DNAH11: variants seen among roughly 807,000 people sequenced by gnomAD.
DNAH11 encodes dynein axonemal heavy chain 11, also known as axonemal beta dynein heavy chain 11.
Under a neutral mutation model 526.0 loss-of-function variants are expected in DNAH11, and 442 were observed. The observed-to-expected ratio is 0.84, with a 90% CI of 0.78 to 0.91. The LOEUF (loss-of-function observed/expected upper bound fraction) is 0.91, where lower values mean the gene tolerates loss of function less well. Among genes scored for constraint, DNAH11 ranks in the 40% least tolerant of loss-of-function variants. The pLI, the probability that DNAH11 is intolerant of heterozygous loss-of-function variation, is 0.00. For missense variants in DNAH11, 6,989 were observed against 5,448.7 expected, an observed-to-expected ratio of 1.28 and a Z score of -8.90; for synonymous variants, 2,461 against 1,935.9, an observed-to-expected ratio of 1.27 and a Z score of -7.12.
intron 73 of DNAH11, among the ~76,000 whole-genome samples, chr7:21,871,809 A>G (rs572034820): frequency 1.8e-5 from 2 of 111,832 alleles, no homozygotes; most frequent in South Asian, 2.9e-4. Context: ...TCTCATAAAG[A>G]CATCAGTCAT....
At chr7:21,561,684 T>C (rs1484481053) in intron 5 of DNAH11, among the ~76,000 whole-genome samples, 3 of 152,180 alleles carry the variant, frequency 2.0e-5, no homozygotes, top group African/African-American at 7.2e-5. Flanking sequence ...CATAAAATGA[T>C]ATCCAGTCGA....
Position 21,601,397 on chromosome 7 carries a change from CTGAA to C in DNAH11, c.3431_3434del (p.Asn1144SerfsTer6), listed in dbSNP as rs749689428. On this transcript the variant is annotated frameshift_variant and splice_region_variant, in exon 18 of 82. Transcript: ENST00000409508. LOFTEE classifies it high-confidence loss of function. ...TCTATGTACATATATATTTAATAGT[CTGAA>C]TGAGCTACAAGAATTTATAAAGGAG... The C allele has an allele frequency of 3.1e-6, 5 of 1,610,254 alleles. No homozygotes were observed. Among genetic ancestry groups the C allele is most frequent in the East Asian group, 2.2e-5 (1 of 44,816 alleles).
chr7:21,605,750 C>A (rs988874414), intron 18 of DNAH11, among the ~76,000 whole-genome samples: 1 of 152,162 alleles, frequency 6.6e-6, no homozygotes, highest in East Asian at 1.9e-4. Context: ...GGCTGGCTTC[C>A]ATTTCTAGTT....
At chr7:21,695,369 C>A (rs1783805218) in intron 35 of DNAH11, among the ~76,000 whole-genome samples, 1 of 152,204 alleles carries the variant, frequency 6.6e-6, no homozygotes. Context: ...GTATCCAAAA[C>A]AGCATGGTAC....
chr7:21,836,753 C>G (rs1386182433), intron 65 of DNAH11, among the ~76,000 whole-genome samples: 1 of 152,012 alleles, frequency 6.6e-6, no homozygotes, highest in Non-Finnish European at 1.5e-5. Context: ...GGGATTACAT[C>G]AGACTAAAAA....
Position 21,849,654 on chromosome 7 carries a change from T to A in DNAH11, c.10897-2813T>A, listed in dbSNP as rs78256902. ...ATTTTACTCAACTCTCCTTTTTGCA[T>A]AGTTTCTCAAGAGAAGTTCCATGTA... On this transcript the variant is annotated intron_variant, in intron 66 of 81. Coordinates refer to ENST00000409508, the MANE Select transcript of DNAH11 (RefSeq NM_001277115.2). Among the ~76,000 whole-genome samples, 1,824 of 152,330 alleles carry A rather than the reference T, an allele frequency of 0.012. 167 individuals carry two copies. The East Asian group carries it at 0.23, about 19-fold the overall frequency.
intron 65 of DNAH11, among the ~76,000 whole-genome samples, chr7:21,838,388 TAA>T (rs1284684123): frequency 6.6e-6 from 1 of 152,214 alleles, no homozygotes; most frequent in East Asian, 1.9e-4. Context: ...TATCAAGATA[TAA>T]GTCACATATT....
chr7:21,734,984 C>G (rs1429683661), intron 45 of DNAH11, among the ~76,000 whole-genome samples: 2 of 151,906 alleles, frequency 1.3e-5, no homozygotes, highest in African/African-American at 2.4e-5. Context: ...ATCTGGCTAA[C>G]AAGGTGAAAC....
chr7:21,716,945 C>T (rs973232715), intron 42 of DNAH11, among the ~76,000 whole-genome samples: 2 of 152,106 alleles, frequency 1.3e-5, no homozygotes, highest in African/African-American at 4.8e-5. Flanking sequence ...TCCTGATGCT[C>T]AAAATGCAAG....
chr7:21,881,159 C>T (rs1783911237), intron 75 of DNAH11, among the ~76,000 whole-genome samples: 1 of 152,096 alleles, frequency 6.6e-6, no homozygotes. Context: ...ATTATGTTAA[C>T]AAAAACAGTG....
At chr7:21,756,227 G>C (rs1583662507) in intron 54 of DNAH11, among the ~76,000 whole-genome samples, 1 of 151,812 alleles carries the variant, frequency 6.6e-6, no homozygotes, top group East Asian at 1.9e-4. Flanking sequence ...TTATAAGATG[G>C]CTTTCCTACT....
intron 20 of DNAH11, among the ~76,000 whole-genome samples, chr7:21,609,220 T>G (rs1466836567): frequency 6.6e-6 from 1 of 152,142 alleles, no homozygotes; most frequent in Non-Finnish European, 1.5e-5. Flanking sequence ...TCGTTTTTCT[T>G]TTCTTTTCTT....
intron 32 of DNAH11, among the ~76,000 whole-genome samples, chr7:21,685,313 G>A (rs757755816): frequency 6.6e-6 from 1 of 152,092 alleles, no homozygotes; most frequent in Non-Finnish European, 1.5e-5. Flanking sequence ...GGAGGCCCAG[G>A]GTATAGGAGA....
intron 75 of DNAH11, among the ~76,000 whole-genome samples, chr7:21,883,827 G>A (rs914380304): frequency 4.6e-5 from 7 of 152,230 alleles, no homozygotes; most frequent in African/African-American, 1.7e-4. Flanking sequence ...GATGGCTTGA[G>A]GCCAGGAATT....
In DNAH11 at chr7:21,645,170, C is replaced by T. The variant is rs755847956; in HGVS notation, c.4944+6105C>T. Among the ~76,000 whole-genome samples, 5 of 152,100 alleles carry T rather than the reference C, an allele frequency of 3.3e-5. No individual in the cohort carries two copies. In the South Asian group the frequency reaches 6.2e-4, roughly 19 times the overall value. On this transcript the variant is annotated intron_variant, in intron 28 of 81. Coordinates refer to ENST00000409508, the MANE Select transcript of DNAH11 (RefSeq NM_001277115.2). ...TGTTACAAATGTGGGGTCCTGCCAGCGAGGAGTTTCTAGGCCCTTCTGTGG... is the reference window on the plus strand; with the variant it reads ...TGTTACAAATGTGGGGTCCTGCCAGTGAGGAGTTTCTAGGCCCTTCTGTGG...
chr7:21,762,282 A>C (rs1275951674), intron 54 of DNAH11, among the ~76,000 whole-genome samples: 1 of 152,208 alleles, frequency 6.6e-6, no homozygotes, highest in African/African-American at 2.4e-5. Context: ...GGTTGAACAA[A>C]TATGGTTCAG....
At chr7:21,727,782 A>G (rs1785194868) in intron 45 of DNAH11, among the ~76,000 whole-genome samples, 2 of 152,234 alleles carry the variant, frequency 1.3e-5, no homozygotes, top group Admixed American at 1.3e-4. Flanking sequence ...CTGCCATAAC[A>G]AAAGACCAAA....
Position 21,718,319 on chromosome 7 carries a change from A to AT in DNAH11, c.7134+399dup, listed in dbSNP as rs549617591. ...GAACAAAGTTGCAATAGCTTTATTT[A>AT]TTTTTCTGGTTCCTAAGTAACTTGC... On this transcript the variant is annotated intron_variant, in intron 43 of 81. Coordinates refer to ENST00000409508, the MANE Select transcript of DNAH11 (RefSeq NM_001277115.2). 1.6e-3 allele frequency among the ~76,000 whole-genome samples: 248 copies of AT among 152,076 alleles called. 1 individual carries two copies. The highest frequency in any genetic ancestry group is 5.8e-3 in the African/African-American group (240 of 41,480).
chr7:21,782,066 T>C (rs1190545491), intron 57 of DNAH11, among the ~76,000 whole-genome samples: 1 of 152,208 alleles, frequency 6.6e-6, no homozygotes, highest in East Asian at 1.9e-4. Context: ...CATGGTGAGC[T>C]TGGGTCTTCA....
Sources: gnomAD v4.1 joint callset for allele counts (sites outside exome capture counted in the v4.1 genomes callset) on GRCh38, gnomAD v4.1.1 for gene constraint, MANE v1.5 for transcripts, NCBI Gene and HGNC (gene_info 2026-07-23, HGNC 2026-07-21) for gene names.